The following AMOTL1 variants were observed in gnomAD, a reference collection of about 807,000 sequenced individuals.
The protein encoded by AMOTL1 is angiomotin-like protein 1.
In AMOTL1, 45 loss-of-function variants were observed where a neutral mutation model predicts 102.9. That is an observed-to-expected ratio of 0.44 (90% CI 0.34 to 0.56). The LOEUF (loss-of-function observed/expected upper bound fraction) is 0.56, where lower values mean the gene tolerates loss of function less well. AMOTL1 is among the 20% of genes least tolerant of loss of function. AMOTL1 has a pLI of 0.01. For missense variants in AMOTL1, 1,114 were observed against 1,225.6 expected, an observed-to-expected ratio of 0.91 and a Z score of 1.36; for synonymous variants, 481 against 484.7, an observed-to-expected ratio of 0.99 and a Z score of 0.10.
intron 3 of AMOTL1, among the ~76,000 whole-genome samples, chr11:94,745,392 A>G (rs1950578522): frequency 6.6e-6 from 1 of 152,010 alleles, no homozygotes; most frequent in Non-Finnish European, 1.5e-5. Context: ...TTCAGCCACC[A>G]GTTATCTCAT....
At chr11:94,780,088 G>T (rs927167297) in intron 1 of AMOTL1, among the ~76,000 whole-genome samples, 2 of 152,192 alleles carry the variant, frequency 1.3e-5, no homozygotes, top group Admixed American at 6.5e-5. Context: ...TATCAGAGAT[G>T]AAATGAAAGA....
chr11:94,774,645 G>A (rs1021607225), intron 1 of AMOTL1, among the ~76,000 whole-genome samples: 4 of 152,182 alleles, frequency 2.6e-5, no homozygotes, highest in African/African-American at 4.8e-5. Context: ...TTGCTGGGCC[G>A]CACCCCTAGA....
chr11:94,768,844 G>A (rs1950897530), intron 1 of AMOTL1, among the ~76,000 whole-genome samples: 2 of 152,006 alleles, frequency 1.3e-5, no homozygotes, highest in Non-Finnish European at 2.9e-5. Context: ...GCCCGACGCG[G>A]GGCTGGCCTT....
In AMOTL1 at chr11:94,751,070, A is replaced by G. The variant is rs1950647686; in HGVS notation, c.136+10082A>G. Among the ~76,000 whole-genome samples, 2 of 152,078 alleles carry G rather than the reference A, an allele frequency of 1.3e-5. 1 individual carries two copies. Among genetic ancestry groups the G allele is most frequent in the South Asian group, 4.2e-4 (2 of 4,804 alleles). On this transcript the variant is annotated intron_variant, in intron 3 of 4. Transcript: ENST00000299004. Reference sequence around the variant, plus strand: ...AGCCAGTTTCGGTTTTCTAGGAAGGAGAATGTACAAGTTGGTCTCCTCCTA... The same window carrying G: ...AGCCAGTTTCGGTTTTCTAGGAAGGGGAATGTACAAGTTGGTCTCCTCCTA...
At chr11:94,794,354 T>A (rs1030351076) in intron 1 of AMOTL1, among the ~76,000 whole-genome samples, 1 of 152,176 alleles carries the variant, frequency 6.6e-6, no homozygotes, top group African/African-American at 2.4e-5. Context: ...GTTCAGTGAC[T>A]GAAGGACTGA....
intron 1 of AMOTL1, among the ~76,000 whole-genome samples, chr11:94,787,056 T>G (rs1951201357): frequency 2.7e-5 from 4 of 148,746 alleles, no homozygotes; most frequent in Admixed American, 6.7e-5. Context: ...GGGGGAGGGG[T>G]GGGAAAGAAA....
chr11:94,798,304 G>T (rs952622665), intron 2 of AMOTL1, among the ~76,000 whole-genome samples: 14 of 152,182 alleles, frequency 9.2e-5, no homozygotes, highest in African/African-American at 3.4e-4. Context: ...TAGTTCTTAT[G>T]CTTGTATTGA....
intron 4 of AMOTL1, among the ~76,000 whole-genome samples, chr11:94,826,083 G>A (rs1592005625): frequency 6.6e-6 from 1 of 152,104 alleles, no homozygotes; most frequent in African/African-American, 2.4e-5. Flanking sequence ...TCAGGAGTTC[G>A]AGACCAGCCT....
intron 9 of AMOTL1, among the ~76,000 whole-genome samples, chr11:94,864,059 T>G (rs1401479017): frequency 6.6e-6 from 1 of 152,206 alleles, no homozygotes; most frequent in Non-Finnish European, 1.5e-5. Context: ...GACTTCAGCT[T>G]GGAGCCTCAC....
At chr11:94,749,645 C>T (rs1364818626) in intron 3 of AMOTL1, among the ~76,000 whole-genome samples, 2 of 152,226 alleles carry the variant, frequency 1.3e-5, no homozygotes, top group Admixed American at 6.5e-5. Flanking sequence ...CTTCATTAGA[C>T]TGTCTTCAGT....
chr11:94,800,599 G>A lies in AMOTL1; in HGVS notation c.1121+288G>A, dbSNP rs141947158. Among the ~76,000 whole-genome samples the A allele has an allele frequency of 1.3e-3, 194 of 152,292 alleles. 1 individual carries two copies. The highest frequency in any genetic ancestry group is 7.7e-3 in the South Asian group (37 of 4,822). On this transcript the variant is annotated intron_variant, in intron 3 of 12. Coordinates refer to ENST00000433060, the MANE Select transcript of AMOTL1 (RefSeq NM_130847.3). ...GAGCTCTGCCTAGTGGCCTGGCAAA[G>A]TAGCAATTTTCCAATGGCTTTGTGG...
chr11:94,866,918 G>T (rs1952896688), intron 11 of AMOTL1, among the ~76,000 whole-genome samples: 2 of 152,156 alleles, frequency 1.3e-5, no homozygotes, highest in South Asian at 4.1e-4. Context: ...TTGGGGGCAG[G>T]CAGGCTTGTT....
intron 2 of AMOTL1, among the ~76,000 whole-genome samples, chr11:94,730,032 G>A (rs1168020052): frequency 6.6e-6 from 1 of 152,124 alleles, no homozygotes; most frequent in East Asian, 1.9e-4. Flanking sequence ...AGGAAGCTTT[G>A]AGAGAGGAAA....
intron 3 of AMOTL1, among the ~76,000 whole-genome samples, chr11:94,820,566 C>T (rs1016674292): frequency 7.2e-5 from 11 of 152,328 alleles, no homozygotes; most frequent in African/African-American, 2.4e-4. Context: ...ACAATTTTTC[C>T]GCAGACAATC....
intron 8 of AMOTL1, among the ~76,000 whole-genome samples, chr11:94,855,130 G>C (rs984983579): frequency 6.6e-6 from 1 of 152,192 alleles, no homozygotes; most frequent in African/African-American, 2.4e-5. Flanking sequence ...TGCAAGGCAG[G>C]GCCCCATGGA....
At chr11:94,798,559 G>A (rs1400861605) in intron 2 of AMOTL1, among the ~76,000 whole-genome samples, 1 of 152,148 alleles carries the variant, frequency 6.6e-6, no homozygotes, top group East Asian at 1.9e-4. Context: ...AGGACTCAGG[G>A]CCATCGTCTG....
chr11:94,728,394 T>C (rs1027557075), intron 1 of AMOTL1, among the ~76,000 whole-genome samples: 3 of 152,194 alleles, frequency 2.0e-5, no homozygotes, highest in African/African-American at 4.8e-5. Flanking sequence ...CTCTTGGCTC[T>C]GAAGTGTTCT....
At chr11:94,825,426 A>G (rs1438615888) in intron 4 of AMOTL1, among the ~76,000 whole-genome samples, 1 of 152,202 alleles carries the variant, frequency 6.6e-6, no homozygotes, top group African/African-American at 2.4e-5. Flanking sequence ...AGATTTTCTC[A>G]GGGCCTTCTC....
At chr11:94,863,186 G>A (rs564133081) in intron 9 of AMOTL1, among the ~76,000 whole-genome samples, 28 of 151,552 alleles carry the variant, frequency 1.8e-4, no homozygotes, top group Admixed American at 1.3e-3. Context: ...CATGTGTACC[G>A]TGCCCTACCC....
Sources: gnomAD v4.1 joint callset for allele counts (sites outside exome capture counted in the v4.1 genomes callset) on GRCh38, gnomAD v4.1.1 for gene constraint, MANE v1.5 for transcripts, NCBI Gene and HGNC (gene_info 2026-07-23, HGNC 2026-07-21) for gene names.